The following DNAJC13 variants were observed in gnomAD, a reference collection of about 807,000 sequenced individuals.
DNAJC13 encodes dnaJ homolog subfamily C member 13.
DNAJC13 carries 75 observed loss-of-function variants against 290.5 expected under a neutral mutation model. That is an observed-to-expected ratio of 0.26 (90% CI 0.21 to 0.31). The LOEUF (loss-of-function observed/expected upper bound fraction) is 0.31. Ranked by LOEUF, DNAJC13 falls within the 10% of genes least tolerant of loss-of-function variation. The pLI, the probability that DNAJC13 is intolerant of heterozygous loss-of-function variation, is 1.00. For synonymous variants in DNAJC13, 862 were observed against 892.0 expected (o/e 0.97, Z 0.60); for missense variants, 2,260 against 2,674.5 (o/e 0.85, Z 3.42).
intron 37 of DNAJC13, among the ~76,000 whole-genome samples, 177 bp downstream of exon 37, chr3:132,499,487 T>C (rs755655519): frequency 1.4e-4 from 21 of 152,204 alleles, no homozygotes; most frequent in Non-Finnish European, 1.5e-5. Flanking sequence ...TATTTCACAA[T>C]GTGAGTTGGA....
Position 132,454,540 on chromosome 3 carries a change from G to A in DNAJC13, c.932+383G>A, listed in dbSNP as rs141771134. On this transcript the variant is annotated intron_variant, in intron 9 of 55. Transcript: ENST00000260818. Reference sequence around the variant, plus strand: ...TTTTTAGTAGAGATGGGGTTTCGCCGTCTTGGCCAGGCTGGTCTCGAACTC... The same window carrying A: ...TTTTTAGTAGAGATGGGGTTTCGCCATCTTGGCCAGGCTGGTCTCGAACTC... Among the ~76,000 whole-genome samples the A allele has an allele frequency of 8.7e-3, 1,323 of 151,296 alleles. 15 individuals carry two copies. Among genetic ancestry groups the A allele is most frequent in the African/African-American group, 0.031 (1,270 of 41,258 alleles).
chr3:132,494,048 C>G (rs1935149805), intron 33 of DNAJC13, 96 bp from the exon 34 acceptor site: 1 of 819,764 alleles, frequency 1.2e-6, no homozygotes, highest in Admixed American at 2.9e-5. Context: ...CTAAAAGTAT[C>G]CATTTAAATA....
Position 132,483,419 on chromosome 3 carries a change from A to G in DNAJC13, c.3024A>G (p.Arg1008=). The change falls in exon 28 of 56, where the codon AGA becomes AGG. Residue 1008 remains arginine (R), a synonymous_variant. Transcript: ENST00000260818. The part of the protein sequence containing the change: ...WTKGMLNAKT[R]CWAQGMDGWR... ...AAGGAATGTTAAATGCAAAAACCAGATGCTGGGCTCAAGGCATGGATGGAT... is the reference window on the plus strand; with the variant it reads ...AAGGAATGTTAAATGCAAAAACCAGGTGCTGGGCTCAAGGCATGGATGGAT... 6.2e-7 allele frequency: 1 copy of G among 1,614,134 alleles called. No homozygotes were observed. Among genetic ancestry groups the G allele is most frequent in the Admixed American group, 1.7e-5 (1 of 60,012 alleles).
At chr3:132,446,409 T>TATA (rs1486514638) in intron 2 of DNAJC13, 66 bp from the exon 3 acceptor site, 1 of 1,104,340 alleles carries the variant, frequency 9.1e-7, no homozygotes, top group East Asian at 2.6e-5. Flanking sequence ...TTTTGTGTTA[T>TATA]ATATATTTTC....
intron 2 of DNAJC13, among the ~76,000 whole-genome samples, chr3:132,442,271 A>AC (rs1353384170): frequency 6.6e-6 from 1 of 152,156 alleles, no homozygotes; most frequent in Non-Finnish European, 1.5e-5. Context: ...TGCTGAGATT[A>AC]CAGGCGTGAG....
chr3:132,512,568 C>T (rs1051844074), intron 44 of DNAJC13, among the ~76,000 whole-genome samples: 2 of 152,070 alleles, frequency 1.3e-5, no homozygotes, highest in African/African-American at 2.4e-5. Flanking sequence ...TATATTCATA[C>T]CAGTTTGTTT....
chr3:132,491,631 AGT>A (rs1935060633), intron 32 of DNAJC13, among the ~76,000 whole-genome samples: 1 of 152,184 alleles, frequency 6.6e-6, no homozygotes, highest in Non-Finnish European at 1.5e-5. Flanking sequence ...AGCAGATAAC[AGT>A]GCCCAGCCAG....
intron 36 of DNAJC13, among the ~76,000 whole-genome samples, chr3:132,498,450 T>C (rs1284065683): frequency 6.6e-6 from 1 of 152,152 alleles, no homozygotes; most frequent in Non-Finnish European, 1.5e-5. Context: ...CCTTGCGTTC[T>C]GTGATGAGGT....
chr3:132,471,008 G>GGGCGGAGGGCTGACCC (rs1934218489), intron 20 of DNAJC13, among the ~76,000 whole-genome samples: 1 of 134,664 alleles, frequency 7.4e-6, no homozygotes, highest in Non-Finnish European at 1.6e-5. Context: ...GCGGCTGGCC[G>GGGCGGAGGGCTGACCC]GGCGGAGGGC....
At chr3:132,448,706 T>G (rs770140529) in intron 5 of DNAJC13, among the ~76,000 whole-genome samples, 7 of 152,172 alleles carry the variant, frequency 4.6e-5, no homozygotes, top group African/African-American at 7.2e-5. Context: ...CTGTCTGTCT[T>G]AAGCCCTCAT....
At chr3:132,454,276 C>G (rs1441749701) in intron 9 of DNAJC13, 119 bp downstream of exon 9, 6 of 477,822 alleles carry the variant, frequency 1.3e-5, no homozygotes, top group Non-Finnish European at 2.2e-5. Flanking sequence ...TGGGAAAAGA[C>G]ATTTTCTTGC....
chr3:132,474,704 A>G (rs974501858), intron 21 of DNAJC13, among the ~76,000 whole-genome samples: 1 of 151,282 alleles, frequency 6.6e-6, no homozygotes, highest in Non-Finnish European at 1.5e-5. Context: ...AGGTAAAAGA[A>G]TTTTGCAGTG....
At chr3:132,459,206 A>G (rs1468852679) in intron 13 of DNAJC13, among the ~76,000 whole-genome samples, 1 of 152,234 alleles carries the variant, frequency 6.6e-6, no homozygotes, top group Non-Finnish European at 1.5e-5. Flanking sequence ...TCTGGCTCCA[A>G]AGTTTATACA....
At chr3:132,505,272 A>G in intron 41 of DNAJC13, 30 bp from the exon 42 acceptor site, 1 of 1,394,420 alleles carries the variant, frequency 7.2e-7, no homozygotes, top group South Asian at 1.2e-5. Flanking sequence ...TTTTCACTAA[A>G]TGTTATAAAA....
chr3:132,434,015 C>G (rs1939308283), intron 1 of DNAJC13, among the ~76,000 whole-genome samples: 1 of 152,152 alleles, frequency 6.6e-6, no homozygotes, highest in South Asian at 2.1e-4. Flanking sequence ...AGATCGAGAC[C>G]ATCCTCGCTA....
chr3:132,425,049 T>G lies in DNAJC13; in HGVS notation c.-14+7289T>G, dbSNP rs560283994. Among the ~76,000 whole-genome samples, 7 of 152,286 alleles carry G rather than the reference T, an allele frequency of 4.6e-5. No homozygotes were observed. The East Asian group carries it at 1.2e-3, about 25-fold the overall frequency. ...AACATTCTGTTAGCCATTCATATTT[T>G]TTACCATTTGTTTGAAACCAAACTA... On this transcript the variant is annotated intron_variant, in intron 1 of 55. Transcript: ENST00000260818.
intron 1 of DNAJC13, among the ~76,000 whole-genome samples, chr3:132,427,587 A>G (rs1939133172): frequency 6.6e-6 from 1 of 152,344 alleles, no homozygotes; most frequent in East Asian, 1.9e-4. Context: ...TGGTTAAGTA[A>G]AAGTGAATGC....
Position 132,480,256 on chromosome 3 carries a change from C to A in DNAJC13, c.2773-113C>A, listed in dbSNP as rs149733593. On this transcript the variant is annotated intron_variant, in intron 25 of 55. Coordinates refer to ENST00000260818, the MANE Select transcript of DNAJC13 (RefSeq NM_015268.4). Reference sequence around the variant, plus strand: ...CTTATTTCCAAGGACTCCAAACATTCTTTTCTTCGAGGACCTTGTAGGTGG... The same window carrying A: ...CTTATTTCCAAGGACTCCAAACATTATTTTCTTCGAGGACCTTGTAGGTGG... 5.0e-4 allele frequency: 291 copies of A among 578,504 alleles called. 4 individuals are homozygous for A. The East Asian group carries it at 7.3e-3, about 14-fold the overall frequency. The allele number at this position is 578,504 out of a possible 1,614,324, so 35.8% of individuals were successfully genotyped here.
intron 8 of DNAJC13, 89 bp downstream of exon 8, chr3:132,453,783 C>CT: frequency 9.0e-7 from 1 of 1,111,898 alleles, no homozygotes; most frequent in Non-Finnish European, 1.3e-6. Context: ...TTACTCATGG[C>CT]TAAAGAATAT....
Sources: gnomAD v4.1 joint callset for allele counts (sites outside exome capture counted in the v4.1 genomes callset) on GRCh38, gnomAD v4.1.1 for gene constraint, MANE v1.5 for transcripts, NCBI Gene and HGNC (gene_info 2026-07-23, HGNC 2026-07-21) for gene names.